The following PCNX2 variants were observed in gnomAD, a reference collection of about 807,000 sequenced individuals.
PCNX2 encodes pecanex 2, also known as pecanex-like protein 2.
A neutral mutation model predicts 223.8 loss-of-function variants in PCNX2; 168 were observed. That is an observed-to-expected ratio of 0.75 (90% confidence interval 0.66 to 0.85). The LOEUF (loss-of-function observed/expected upper bound fraction) is 0.85, where lower values mean the gene tolerates loss of function less well. PCNX2 is among the 40% of genes least tolerant of loss of function. PCNX2 has a pLI of 0.00. For synonymous variants in PCNX2, 1,006 were observed against 1,052.6 expected, an observed-to-expected ratio of 0.96 and a Z score of 0.86; for missense variants, 2,507 against 2,675.5, an observed-to-expected ratio of 0.94 and a Z score of 1.39.
intron 21 of PCNX2, among the ~76,000 whole-genome samples, chr1:233,132,959 C>T (rs1001168059): frequency 1.4e-5 from 2 of 140,104 alleles, no homozygotes; most frequent in East Asian, 2.1e-4. Flanking sequence ...AGTGCAGTGG[C>T]GCAATCTCGG....
rs963996089 is a variant in PCNX2 at position 233,292,202 on chromosome 1, CTT to C, written c.153+3122_153+3123del. On this transcript the variant is annotated intron_variant, in intron 1 of 33. Transcript: ENST00000258229. ...ATAGTGAAACTTTCTTTCTTTCTTTCTTTTTTTTTTTTTTTTTTTTTTGAGAT... is the reference window on the plus strand; with the variant it reads ...ATAGTGAAACTTTCTTTCTTTCTTTCTTTTTTTTTTTTTTTTTTTTGAGAT... Among the ~76,000 whole-genome samples the C allele has an allele frequency of 1.2e-4, 13 of 109,482 alleles. No individual in the cohort carries two copies. The East Asian group carries it at 2.2e-3, about 18-fold the overall frequency. 71.8% of individuals were successfully genotyped at this position (109,482 alleles called of 152,430 possible).
chr1:233,206,192 G>A (rs1215552201), intron 13 of PCNX2, among the ~76,000 whole-genome samples: 6 of 152,150 alleles, frequency 3.9e-5, no homozygotes, highest in Non-Finnish European at 7.3e-5. Flanking sequence ...GGAAAAGATG[G>A]CTGGGGGTAC....
chr1:233,094,212 T>G lies in PCNX2; in HGVS notation c.3946+1543A>C, dbSNP rs151081804. On this transcript the variant is annotated intron_variant, in intron 22 of 33. Transcript: ENST00000258229. ...AGTTTTAAATTCTTGGTGTAACTCC[T>G]CAACAACAAATTTGCATTAATCTAA... is the stretch of plus-strand genomic sequence containing the variant. Among the ~76,000 whole-genome samples the G allele has an allele frequency of 3.8e-3, 576 of 152,350 alleles. 4 individuals carry two copies. Among genetic ancestry groups the G allele is most frequent in the African/African-American group, 0.013 (560 of 41,578 alleles).
chr1:233,012,159 G>A (rs899130606), intron 28 of PCNX2, among the ~76,000 whole-genome samples: 1 of 152,138 alleles, frequency 6.6e-6, no homozygotes, highest in African/African-American at 2.4e-5. Context: ...GGAAAAACAT[G>A]GTTTGAGAGT....
rs933164842 is a variant in PCNX2 at position 233,282,971 on chromosome 1, T to C, written c.153+12355A>G. Among the ~76,000 whole-genome samples, 4 of 152,022 alleles carry C rather than the reference T, an allele frequency of 2.6e-5. No individual in the cohort carries two copies. In the East Asian group the frequency reaches 7.7e-4, roughly 29 times the overall value. On this transcript the variant is annotated intron_variant, in intron 1 of 33. Coordinates refer to ENST00000258229, the MANE Select transcript of PCNX2 (RefSeq NM_014801.4). ...ATAATTGGAAAATAATTCATCTAAGTAACTTTTGAGCATGTTACTCTGGCA... is the reference window on the plus strand; with the variant it reads ...ATAATTGGAAAATAATTCATCTAAGCAACTTTTGAGCATGTTACTCTGGCA...
intron 23 of PCNX2, among the ~76,000 whole-genome samples, chr1:233,075,312 T>C (rs10910656): frequency 0.25 from 38,252 of 152,018 alleles, 5,984 homozygotes; most frequent in African/African-American, 0.44. Context: ...TGTGTGAAAA[T>C]AGGCAATCCC....
At chr1:233,055,746 C>T (rs557874044) in intron 24 of PCNX2, among the ~76,000 whole-genome samples, 1 of 152,278 alleles carries the variant, frequency 6.6e-6, no homozygotes, top group East Asian at 1.9e-4. Context: ...AAACTCAATG[C>T]TCCCTCCTGG....
rs1558154019 is a variant in PCNX2 at position 233,001,516 on chromosome 1, A to ATAAG, written c.5097+20_5097+21insCTTA. 8.0e-7 allele frequency: 1 copy of ATAAG among 1,252,162 alleles called. No individual in the cohort carries two copies. Among genetic ancestry groups the ATAAG allele is most frequent in the Non-Finnish European group, 1.0e-6 (1 of 982,258 alleles). The allele number at this position is 1,252,162 out of a possible 1,614,324, so 77.6% of individuals were successfully genotyped here. The stretch of plus-strand genomic sequence containing the variant: ...AATAAATAAATAAATAAATAAATAA[A>ATAAG]TAAATAAAATAGGTTTTTACCTGGT... On this transcript the variant is annotated intron_variant, in intron 29 of 33. Coordinates refer to ENST00000258229, the MANE Select transcript of PCNX2 (RefSeq NM_014801.4). The surrounding 1 kb of genome is among the most constrained non-coding windows in gnomAD (Gnocchi z 4.2).
chr1:233,139,175 AACTCGAC>A lies in PCNX2; in HGVS notation c.3659+532_3659+538del, dbSNP rs1383323511. Among the ~76,000 whole-genome samples the A allele has an allele frequency of 2.3e-3, 343 of 152,348 alleles. No individual in the cohort carries two copies. Among genetic ancestry groups the A allele is most frequent in the African/African-American group, 8.1e-3 (335 of 41,586 alleles). Reference sequence around the variant, plus strand: ...ATTAATTTTAATATATGAAACCAATAACTCGACTGTACATTGTTAATGCTTTGAAAGA... The same window carrying A: ...ATTAATTTTAATATATGAAACCAATATGTACATTGTTAATGCTTTGAAAGA... On this transcript the variant is annotated intron_variant, in intron 20 of 33. Transcript: ENST00000258229. The surrounding 1 kb of genome is among the most constrained non-coding windows in gnomAD (Gnocchi z 4.4).
Position 233,295,303 on chromosome 1 carries a change from G to T in PCNX2, c.153+23C>A. The T allele has an allele frequency of 6.4e-7, 1 of 1,570,376 alleles. No individual in the cohort carries two copies. Among genetic ancestry groups the T allele is most frequent in the Non-Finnish European group, 8.6e-7 (1 of 1,157,584 alleles). On this transcript the variant is annotated intron_variant, in intron 1 of 33. Coordinates refer to ENST00000258229, the MANE Select transcript of PCNX2 (RefSeq NM_014801.4). The surrounding 1 kb of genome is among the most constrained non-coding windows in gnomAD (Gnocchi z 4.1). ...CTTCCCTCCATACCCACAGCTCCCC[G>T]GGACCGGACCCTCCCCACTCACCAG... is the stretch of plus-strand genomic sequence containing the variant.
chr1:233,000,440 G>GC lies in PCNX2; in HGVS notation c.5192dup (p.Asp1732ArgfsTer47). The GC allele has an allele frequency of 6.3e-7, 1 of 1,598,136 alleles. No individual in the cohort carries two copies. Among genetic ancestry groups the GC allele is most frequent in the African/African-American group, 1.3e-5 (1 of 74,600 alleles). ...GCACTGCGCCCCGCCAGGCCGGGTC[G>GC]CCCTCGTGGCAGATGACCACCTTCT... On this transcript the variant is annotated frameshift_variant, in exon 30 of 34. Transcript: ENST00000258229. LOFTEE classifies it high-confidence loss of function. This position sits in a 1 kb window ranked among gnomAD's most constrained non-coding sequence, Gnocchi z 4.6.
At chr1:233,244,062 C>A (rs1190866563) in intron 8 of PCNX2, among the ~76,000 whole-genome samples, 1 of 152,146 alleles carries the variant, frequency 6.6e-6, no homozygotes, top group African/African-American at 2.4e-5. Context: ...AACTCCTGAC[C>A]TTGTGATCCG....
rs536887866 is a variant in PCNX2 at position 233,045,207 on chromosome 1, G to A, written c.4351+9061C>T. On this transcript the variant is annotated intron_variant, in intron 25 of 33. Transcript: ENST00000258229. ...ATAGCATTTCCTAGCCTCTTTTGTAGTCATGTCAATCGTGGACAGCAGAAT... is the reference window on the plus strand; with the variant it reads ...ATAGCATTTCCTAGCCTCTTTTGTAATCATGTCAATCGTGGACAGCAGAAT... Among the ~76,000 whole-genome samples, 30 of 152,272 alleles carry A rather than the reference G, an allele frequency of 2.0e-4. 1 individual carries two copies. The highest frequency in any genetic ancestry group is 6.7e-4 in the African/African-American group (28 of 41,564).
chr1:232,999,328 T>G lies in PCNX2; in HGVS notation c.5380A>C (p.Ile1794Leu). 6.2e-7 allele frequency: 1 copy of G among 1,603,592 alleles called. No individual in the cohort carries two copies. The highest frequency in any genetic ancestry group is 1.1e-5 in the South Asian group (1 of 89,120). ...TCCGGATTGCGGTTGCGAAGAAATATAAGCTCCTGCTGCTGCCCGGCCCAA... is the reference window on the plus strand; with the variant it reads ...TCCGGATTGCGGTTGCGAAGAAATAGAAGCTCCTGCTGCTGCCCGGCCCAA... Reference protein sequence around the residue: ...GLWAGQQQELIFLRNRNPERG... With the variant: ...GLWAGQQQELLFLRNRNPERG... The change falls in exon 31 of 34, where the codon ATA becomes CTA. Residue 1794 changes from isoleucine to leucine, a missense_variant. By Grantham distance (5) the Ile-to-Leu change is conservative. Around this residue, in one of 3 missense-constraint regions of PCNX2, gnomAD observed 1,372 missense variants for 1,509.4 expected, o/e 0.91. Transcript: ENST00000258229.
chr1:233,128,364 G>A (rs895816698), intron 21 of PCNX2, among the ~76,000 whole-genome samples: 10 of 151,660 alleles, frequency 6.6e-5, no homozygotes, highest in African/African-American at 2.2e-4. Flanking sequence ...AGACAGAGTC[G>A]TGCTCTGTCG....
Position 233,249,393 on chromosome 1 carries a change from G to A in PCNX2, c.2222+1346C>T, listed in dbSNP as rs528646698. ...ACAGTTTTCAAAGCTGCGTTCTCATGCAATTACATATTTTGTCTGAGAAAG... is the reference window on the plus strand; with the variant it reads ...ACAGTTTTCAAAGCTGCGTTCTCATACAATTACATATTTTGTCTGAGAAAG... On this transcript the variant is annotated intron_variant, in intron 8 of 33. Coordinates refer to ENST00000258229, the MANE Select transcript of PCNX2 (RefSeq NM_014801.4). Among the ~76,000 whole-genome samples the A allele has an allele frequency of 4.3e-4, 66 of 152,322 alleles. 1 individual carries two copies. In the South Asian group the frequency reaches 0.013, roughly 31 times the overall value.
chr1:233,017,248 G>T, intron 26 of PCNX2, 94 bp from the exon 27 acceptor site: 1 of 899,308 alleles, frequency 1.1e-6, no homozygotes, highest in African/African-American at 1.9e-5. Context: ...ATCCCTACAT[G>T]TGGTATCATT....
In PCNX2 at chr1:233,236,765, A is replaced by G. The variant is rs537288551; in HGVS notation, c.2358+80T>C. The G allele has an allele frequency of 3.8e-6, 6 of 1,560,122 alleles. No individual in the cohort carries two copies. In the East Asian group the frequency reaches 1.1e-4, roughly 29 times the overall value. On this transcript the variant is annotated intron_variant, in intron 9 of 33. Transcript: ENST00000258229. ...AGGGAAAGAGCTGACTAATCCTGTCAAGTAATCCAACCTGGAAAAAGGTTT... is the reference window on the plus strand; with the variant it reads ...AGGGAAAGAGCTGACTAATCCTGTCGAGTAATCCAACCTGGAAAAAGGTTT...
At chr1:233,190,271 T>C (rs1308070384) in intron 15 of PCNX2, among the ~76,000 whole-genome samples, 1 of 152,066 alleles carries the variant, frequency 6.6e-6, no homozygotes, top group Non-Finnish European at 1.5e-5. Context: ...AACAAAAGCA[T>C]CGTTAAACAA....
Sources: allele counts gnomAD v4.1 joint callset (sites outside exome capture counted in the v4.1 genomes callset), GRCh38; gene constraint gnomAD v4.1.1; regional missense constraint gnomAD v4.1.1; non-coding constraint Gnocchi (gnomAD v3.1); transcripts MANE v1.5; gene names NCBI Gene and HGNC (gene_info 2026-07-23, HGNC 2026-07-21).